The following CCDC91 variants were observed in gnomAD, a reference collection of about 807,000 sequenced individuals.
CCDC91 encodes coiled-coil domain containing 91, also known as coiled-coil domain-containing protein 91.
In CCDC91, 48 loss-of-function variants were observed where a neutral mutation model predicts 63.2. The observed-to-expected ratio is 0.76, with a 90% CI of 0.60 to 0.97. CCDC91 has a LOEUF of 0.97. Among genes scored for constraint, CCDC91 ranks in the 50% least tolerant of loss-of-function variants. The pLI is 0.00. For missense variants in CCDC91, 500 were observed against 494.6 expected (o/e 1.01, Z -0.10); for synonymous variants, 167 against 165.8 (o/e 1.01, Z -0.06).
At chr12:28,359,021 G>C (rs371399478) in intron 6 of CCDC91, among the ~76,000 whole-genome samples, 2 of 151,954 alleles carry the variant, frequency 1.3e-5, no homozygotes. Flanking sequence ...TCAGCCTCCC[G>C]AGTAGCTGGG....
chr12:28,260,826 A>C (rs1223504431), intron 3 of CCDC91, among the ~76,000 whole-genome samples: 1 of 151,980 alleles, frequency 6.6e-6, no homozygotes, highest in Admixed American at 6.6e-5. Flanking sequence ...TTGGAAATGG[A>C]TAGGGAGAGC....
intron 3 of CCDC91, among the ~76,000 whole-genome samples, chr12:28,273,862 A>G (rs1947984558): frequency 6.6e-6 from 1 of 152,080 alleles, no homozygotes; most frequent in African/African-American, 2.4e-5. Context: ...CCATTTGTCA[A>G]TTTTGGCTTT....
chr12:28,478,556 G>A (rs1951252700), intron 11 of CCDC91, among the ~76,000 whole-genome samples: 1 of 152,082 alleles, frequency 6.6e-6, no homozygotes, highest in Non-Finnish European at 1.5e-5. Context: ...GCATGGGCAA[G>A]GACTTCATAT....
In CCDC91 at chr12:28,267,881, AATT is replaced by A. The variant is rs1323584703; in HGVS notation, c.109+8445_109+8447del. Among the ~76,000 whole-genome samples the A allele has an allele frequency of 7.8e-4, 41 of 52,688 alleles. 1 individual carries two copies. Among genetic ancestry groups the A allele is most frequent in the African/African-American group, 2.4e-3 (40 of 16,962 alleles). The allele number at this position is 52,688 out of a possible 152,430, so 34.6% of individuals were successfully genotyped here. A position where few individuals can be genotyped will look rare whatever the true frequency, so the allele number is the denominator to read the frequency against. On this transcript the variant is annotated intron_variant, in intron 3 of 12. Coordinates refer to ENST00000536442, the MANE Select transcript of CCDC91 (RefSeq NM_018318.5). Reference sequence around the variant, plus strand: ...TATATAATTATATATAATTATATATAATTATTATAATTATATATAATTATATTA... The same window carrying A: ...TATATAATTATATATAATTATATATAATTATAATTATATATAATTATATTA...
intron 12 of CCDC91, among the ~76,000 whole-genome samples, chr12:28,489,049 CATTGGGACATACAACCCAAA>C (rs1467596398): frequency 6.6e-6 from 1 of 151,916 alleles, no homozygotes; most frequent in Non-Finnish European, 1.5e-5. Context: ...AAAGAGAGAC[CATTGGGACATACAACCCAAA>C]ATATTTACTA....
chr12:28,335,981 T>C (rs2137821947), intron 6 of CCDC91, among the ~76,000 whole-genome samples: 3 of 152,032 alleles, frequency 2.0e-5, no homozygotes, highest in African/African-American at 7.2e-5. Flanking sequence ...TTTTTATCTA[T>C]AGCAGAGATA....
intron 8 of CCDC91, among the ~76,000 whole-genome samples, chr12:28,416,054 T>G (rs1947639291): frequency 6.6e-6 from 1 of 152,086 alleles, no homozygotes; most frequent in Non-Finnish European, 1.5e-5. Context: ...TTTTGTTATA[T>G]TTAGATGAGG....
chr12:28,362,827 T>A (rs1430360245), intron 7 of CCDC91, among the ~76,000 whole-genome samples: 4 of 152,152 alleles, frequency 2.6e-5, no homozygotes, highest in Admixed American at 1.3e-4. Context: ...CTGTGGTTCC[T>A]CTGACAGGAA....
intron 7 of CCDC91, among the ~76,000 whole-genome samples, chr12:28,366,015 A>G (rs527753790): frequency 3.9e-5 from 6 of 152,340 alleles, no homozygotes; most frequent in Admixed American, 2.6e-4. Context: ...AGAAAGTGGA[A>G]AATACCAAGT....
chr12:28,282,616 G>A (rs537173473), intron 3 of CCDC91, among the ~76,000 whole-genome samples: 4 of 152,044 alleles, frequency 2.6e-5, no homozygotes, highest in Non-Finnish European at 5.9e-5. Flanking sequence ...TTTCATTTGG[G>A]TAGATATCCT....
chr12:28,239,427 G>A (rs1439017609), intron 1 of CCDC91, among the ~76,000 whole-genome samples: 1 of 152,066 alleles, frequency 6.6e-6, no homozygotes, highest in African/African-American at 2.4e-5. Context: ...GCATTAATTA[G>A]TATAGCTCCT....
intron 12 of CCDC91, among the ~76,000 whole-genome samples, chr12:28,528,945 TG>T (rs1444665905): frequency 6.6e-6 from 1 of 152,132 alleles, no homozygotes; most frequent in African/African-American, 2.4e-5. Context: ...TTTGTTGATA[TG>T]GTTGCAAAAT....
At chr12:28,326,354 GATTTTTATTTTT>G (rs1320911506) in intron 6 of CCDC91, among the ~76,000 whole-genome samples, 1 of 150,122 alleles carries the variant, frequency 6.7e-6, no homozygotes, top group Non-Finnish European at 1.5e-5. Flanking sequence ...ATGTTTGAAT[GATTTTTATTTTT>G]ATTTTTATTT....
At position 28,422,938 on chromosome 12, in the gene CCDC91, GTTGTTGTTGTTGGTGT is replaced by G. The variant is rs534779887; in HGVS notation, c.763-27207_763-27192del. Among the ~76,000 whole-genome samples the G allele has an allele frequency of 4.0e-3, 607 of 152,034 alleles. 2 individuals are homozygous for G. Among genetic ancestry groups the G allele is most frequent in the Admixed American group, 8.5e-3 (130 of 15,242 alleles). ...TTAATACTTTTTCTGTAATTCCAAG[GTTGTTGTTGTTGGTGT>G]TTGTTGTTGTTGGTGGTTGTTGTTG... On this transcript the variant is annotated intron_variant, in intron 8 of 12. Transcript: ENST00000536442.
intron 1 of CCDC91, among the ~76,000 whole-genome samples, chr12:28,229,642 GA>G (rs1944470430): frequency 6.6e-6 from 1 of 152,178 alleles, no homozygotes; most frequent in Admixed American, 6.5e-5. Flanking sequence ...GAACTTAGTA[GA>G]AAAGGAGAGT....
intron 12 of CCDC91, among the ~76,000 whole-genome samples, chr12:28,487,340 T>G (rs1951778771): frequency 6.6e-6 from 1 of 151,542 alleles, no homozygotes; most frequent in Non-Finnish European, 1.5e-5. Context: ...GACCTCTTTA[T>G]TATGTAAATT....
At chr12:28,348,827 G>A (rs1942992864) in intron 6 of CCDC91, among the ~76,000 whole-genome samples, 1 of 152,004 alleles carries the variant, frequency 6.6e-6, no homozygotes, top group South Asian at 2.1e-4. Context: ...AGGCTCAAGC[G>A]ATTCTCCCAC....
intron 12 of CCDC91, among the ~76,000 whole-genome samples, chr12:28,485,263 A>G (rs1566049379): frequency 1.3e-5 from 2 of 151,900 alleles, no homozygotes; most frequent in African/African-American, 4.8e-5. Flanking sequence ...GATTCAAGCA[A>G]TTCTTCTGCC....
At chr12:28,230,701 T>A (rs1944535366) in intron 1 of CCDC91, among the ~76,000 whole-genome samples, 1 of 152,146 alleles carries the variant, frequency 6.6e-6, no homozygotes, top group Admixed American at 6.6e-5. Context: ...CATGGCTCAC[T>A]GCAGCCTCCA....
Sources: allele counts gnomAD v4.1 joint callset (sites outside exome capture counted in the v4.1 genomes callset), GRCh38; gene constraint gnomAD v4.1.1; transcripts MANE v1.5; gene names NCBI Gene and HGNC (gene_info 2026-07-23, HGNC 2026-07-21).